Variants in TRIM41 observed in about 807,000 individuals in gnomAD.
The protein encoded by TRIM41 is tripartite motif containing 41, also known as E3 ubiquitin-protein ligase TRIM41.
A neutral mutation model predicts 60.6 loss-of-function variants in TRIM41; 21 were observed. That is an observed-to-expected ratio of 0.35 (90% CI 0.25 to 0.50). TRIM41 has a LOEUF of 0.50. Among genes scored for constraint, TRIM41 ranks in the 20% least tolerant of loss-of-function variants. TRIM41 has a pLI of 0.98. For synonymous variants in TRIM41, 407 were observed against 344.9 expected (o/e 1.18, Z -2.00); for missense variants, 846 against 868.3 (o/e 0.97, Z 0.32).
intron 2 of TRIM41, 75 bp from the exon 3 acceptor site, chr5:181,232,584 G>A: frequency 1.4e-6 from 2 of 1,401,078 alleles, no homozygotes; most frequent in South Asian, 1.2e-5. Flanking sequence ...GCATTGAGAA[G>A]TAGTAGTTGC....
chr5:181,231,108 T>C (rs551136862), intron 2 of TRIM41: 2 of 350,368 alleles, frequency 5.7e-6, no homozygotes, highest in Admixed American at 7.6e-5. Context: ...ACAGGCTTTC[T>C]ACCCGACACC....
Position 181,234,828 on chromosome 5 carries a change from G to A in TRIM41, c.*53G>A. On this transcript the variant is annotated 3_prime_UTR_variant, in exon 6 of 6. Coordinates refer to ENST00000315073, the MANE Select transcript of TRIM41 (RefSeq NM_033549.5). The surrounding 1 kb of genome is among the most constrained non-coding windows in gnomAD (Gnocchi z 5.6). ...TGTCAGCACTTGGGGGGTGGGTGGT[G>A]GAGGGTGGCCCGTAAGTTTGAGGGC... The A allele has an allele frequency of 1.6e-5, 25 of 1,606,344 alleles. No homozygotes were observed. Among genetic ancestry groups the A allele is most frequent in the East Asian group, 2.2e-5 (1 of 44,808 alleles).
chr5:181,224,016 T>C lies in TRIM41; in HGVS notation c.17T>C (p.Met6Thr). Residue 6 changes from methionine (M) to threonine (T), a missense_variant, in exon 1 of 6, where the codon ATG becomes ACG. Physicochemically the swap from Met to Thr is moderately conservative, Grantham distance 81 (BLOSUM62 -1). Coordinates refer to ENST00000315073, the MANE Select transcript of TRIM41 (RefSeq NM_033549.5). Reference protein sequence around the residue: MAAVAMTPNPVQTLQE... With the variant: MAAVATTPNPVQTLQE... Reference sequence around the variant, plus strand: ...GACACTAAGATGGCTGCCGTTGCCATGACACCCAACCCTGTGCAGACCCTT... The same window carrying C: ...GACACTAAGATGGCTGCCGTTGCCACGACACCCAACCCTGTGCAGACCCTT... The C allele has an allele frequency of 6.2e-7, 1 of 1,611,880 alleles. No individual in the cohort carries two copies. Among genetic ancestry groups the C allele is most frequent in the East Asian group, 2.2e-5 (1 of 44,824 alleles).
In TRIM41 at chr5:181,233,272, T is replaced by C. The variant is rs1354542665; in HGVS notation, c.1141-141T>C. ...GGTGGTTGAAATGGATGTGTGTTCATTGAGGGCCGTGAGGGTGCTGCTTCT... is the reference window on the plus strand; with the variant it reads ...GGTGGTTGAAATGGATGTGTGTTCACTGAGGGCCGTGAGGGTGCTGCTTCT... On this transcript the variant is annotated intron_variant, in intron 3 of 5. Coordinates refer to ENST00000315073, the MANE Select transcript of TRIM41 (RefSeq NM_033549.5). The surrounding 1 kb of genome is among the most constrained non-coding windows in gnomAD (Gnocchi z 4.1). 8.9e-6 allele frequency: 8 copies of C among 894,338 alleles called. No homozygotes were observed. Among genetic ancestry groups the C allele is most frequent in the African/African-American group, 3.3e-5 (2 of 61,016 alleles). 55.4% of individuals were successfully genotyped at this position (894,338 alleles called of 1,614,324 possible).
chr5:181,234,249 C>T lies in TRIM41; in HGVS notation c.1367C>T (p.Ala456Val). 3 of 1,613,246 alleles carry T rather than the reference C, an allele frequency of 1.9e-6. No individual in the cohort carries two copies. Among genetic ancestry groups the T allele is most frequent in the South Asian group, 1.1e-5 (1 of 91,060 alleles). Residue 456 changes from alanine (A) to valine (V), a missense_variant, in exon 6 of 6, where the codon GCA becomes GTA. Ala to Val is a moderately conservative substitution (Grantham distance 64, BLOSUM62 0). Transcript: ENST00000315073. The surrounding 1 kb of genome is among the most constrained non-coding windows in gnomAD (Gnocchi z 5.6). ...CCTGACCGCCGGGGGGTCCGCCTGGCAGAGCGGCGGCAGGAGGTTGCTGAC... is the reference window on the plus strand; with the variant it reads ...CCTGACCGCCGGGGGGTCCGCCTGGTAGAGCGGCGGCAGGAGGTTGCTGAC... ...LSPDRRGVRLAERRQEVADHP... is the reference protein window; with the variant it reads ...LSPDRRGVRLVERRQEVADHP...
chr5:181,232,530 C>T (rs80188051), intron 2 of TRIM41, 129 bp from the exon 3 acceptor site: 15,893 of 846,400 alleles, frequency 0.019, 223 homozygotes, highest in Middle Eastern at 0.042. Flanking sequence ...GAGCCTCTTT[C>T]CGGGACTATC....
At chr5:181,229,355 C>G (rs1043499767) in intron 1 of TRIM41, 4 of 152,280 alleles carry the variant, frequency 2.6e-5, no homozygotes, top group African/African-American at 9.6e-5. Context: ...CACTTCACTT[C>G]CCTCTGGTCC....
rs761850560 is a variant in TRIM41 at position 181,233,718 on chromosome 5, G to A, written c.1246G>A (p.Ala416Thr). Residue 416 changes from alanine (A) to threonine (T), a missense_variant, in exon 5 of 6, where the codon GCC becomes ACC. Physicochemically the swap from Ala to Thr is moderately conservative, Grantham distance 58 (BLOSUM62 0). Transcript: ENST00000315073. This position sits in a 1 kb window ranked among gnomAD's most constrained non-coding sequence, Gnocchi z 4.1. ...QPHSHDFLTD[A>T]IVRKMSRMFC... Reference sequence around the variant, plus strand: ...CCATAGCCATGACTTCCTGACAGATGCCATCGTGAGGAAAATGAGCCGGAT... The same window carrying A: ...CCATAGCCATGACTTCCTGACAGATACCATCGTGAGGAAAATGAGCCGGAT... 10 of 1,614,198 alleles carry A rather than the reference G, an allele frequency of 6.2e-6. No individual in the cohort carries two copies. The highest frequency in any genetic ancestry group is 6.8e-6 in the Non-Finnish European group (8 of 1,180,046).
chr5:181,224,404 C>T lies in TRIM41; in HGVS notation c.405C>T (p.Tyr135=), dbSNP rs755035871. ...EEEDEEEDLD[Y]YLGDMEEEDL... ...AGGACGAGGAGGAAGACCTGGACTACTACTTGGGGGACATGGAGGAGGAGG... is the reference window on the plus strand; with the variant it reads ...AGGACGAGGAGGAAGACCTGGACTATTACTTGGGGGACATGGAGGAGGAGG... The change falls in exon 1 of 6, where the codon TAC becomes TAT. Residue 135 remains tyrosine (Y), a synonymous_variant. Coordinates refer to ENST00000315073, the MANE Select transcript of TRIM41 (RefSeq NM_033549.5). 1.2e-5 allele frequency: 19 copies of T among 1,611,986 alleles called. No homozygotes were observed. The highest frequency in any genetic ancestry group is 1.5e-5 in the Non-Finnish European group (18 of 1,178,688).
chr5:181,230,496 CAAAAAAAAA>C (rs60815823), intron 1 of TRIM41: 51 of 43,722 alleles, frequency 1.2e-3, no homozygotes, highest in Middle Eastern at 0.013. Context: ...GACTCTGTCT[CAAAAAAAAA>C]AAAAAAAAAA....
In TRIM41 at chr5:181,224,598, A is replaced by C. The variant is rs768225281; in HGVS notation, c.599A>C (p.Gln200Pro). ...FPRRSFRPNL[Q>P]LANMVQVIRQ... ...CGGCGGAGCTTCCGCCCCAACCTGC[A>C]GCTGGCCAATATGGTCCAGGTGATT... The change falls in exon 1 of 6, where the codon CAG becomes CCG. Residue 200 changes from glutamine to proline, a missense_variant. By Grantham distance (76) the Gln-to-Pro change is moderately conservative. Transcript: ENST00000315073. 1 of 1,614,210 alleles carries C rather than the reference A, an allele frequency of 6.2e-7. No individual in the cohort carries two copies. The highest frequency in any genetic ancestry group is 2.2e-5 in the East Asian group (1 of 44,888).
rs1758902905 is a variant in TRIM41, at chr5:181,233,576, T to G, written c.1164-60T>G. 6.2e-7 allele frequency: 1 copy of G among 1,610,316 alleles called. No individual in the cohort carries two copies. Among genetic ancestry groups the G allele is most frequent in the Admixed American group, 1.7e-5 (1 of 59,858 alleles). ...GGACCCTCCTCTCCTTCCCCTCAGC[T>G]TTTGCTTTTCCCTCTGGGAATATCG... On this transcript the variant is annotated intron_variant, in intron 4 of 5. Coordinates refer to ENST00000315073, the MANE Select transcript of TRIM41 (RefSeq NM_033549.5). This position sits in a 1 kb window ranked among gnomAD's most constrained non-coding sequence, Gnocchi z 4.1.
At chr5:181,227,741 A>G (rs1758611029) in intron 1 of TRIM41, 1 of 152,172 alleles carries the variant, frequency 6.6e-6, no homozygotes, top group African/African-American at 2.4e-5. Flanking sequence ...TTGAATAGGT[A>G]ATAACACACA....
Position 181,223,802 on chromosome 5 carries a change from A to C in TRIM41, c.-198A>C. 1.6e-6 allele frequency: 1 copy of C among 628,524 alleles called. No homozygotes were observed. The highest frequency in any genetic ancestry group is 2.8e-6 in the Non-Finnish European group (1 of 361,984). 38.9% of individuals were successfully genotyped at this position (628,524 alleles called of 1,614,324 possible). A position where few individuals can be genotyped will look rare whatever the true frequency, so the allele number is the denominator to read the frequency against. On this transcript the variant is annotated 5_prime_UTR_variant, in exon 1 of 6. Coordinates refer to ENST00000315073, the MANE Select transcript of TRIM41 (RefSeq NM_033549.5). ...GCCCAGCACTGTCCCCTCCCCTCGT[A>C]GAGACACGGTTGTCGTTTGGGAGTA... is the stretch of plus-strand genomic sequence containing the variant.
intron 3 of TRIM41, 43 bp downstream of exon 3, chr5:181,232,932 G>C (rs771710299): frequency 6.5e-7 from 1 of 1,527,744 alleles, no homozygotes; most frequent in South Asian, 1.2e-5. Context: ...TTCTGTGTTG[G>C]CTGTCAGGCA....
intron 1 of TRIM41, chr5:181,230,353 C>G (rs1357855971): frequency 6.2e-6 from 1 of 160,222 alleles, no homozygotes; most frequent in African/African-American, 2.4e-5. Flanking sequence ...AAAAATTAGC[C>G]AGGCGTGGTG....
intron 1 of TRIM41, chr5:181,225,740 C>T (rs1282584596): frequency 6.6e-6 from 1 of 152,200 alleles, no homozygotes; most frequent in Non-Finnish European, 1.5e-5. Context: ...GAGTCTGATT[C>T]TAGTTTGACA....
rs759933393 is a variant in TRIM41 at position 181,233,381 on chromosome 5, C to CCT, written c.1141-28_1141-27dup. 1.9e-6 allele frequency: 3 copies of CCT among 1,606,086 alleles called. No individual in the cohort carries two copies. In the African/African-American group the frequency reaches 4.0e-5, roughly 22 times the overall value. ...CTGACACTCTCTTTATCTCTTTCTC[C>CCT]CTCTCCCTCTTTTTGTTTCTCTTAT... On this transcript the variant is annotated intron_variant, in intron 3 of 5. Coordinates refer to ENST00000315073, the MANE Select transcript of TRIM41 (RefSeq NM_033549.5). This position sits in a 1 kb window ranked among gnomAD's most constrained non-coding sequence, Gnocchi z 4.1.
chr5:181,233,955 G>C lies in TRIM41; in HGVS notation c.1291+192G>C. 3.4e-6 allele frequency: 4 copies of C among 1,170,338 alleles called. No individual in the cohort carries two copies. Among genetic ancestry groups the C allele is most frequent in the East Asian group, 2.5e-5 (1 of 39,594 alleles). The allele number at this position is 1,170,338 out of a possible 1,614,324, so 72.5% of individuals were successfully genotyped here. A position where few individuals can be genotyped will look rare whatever the true frequency, so the allele number is the denominator to read the frequency against. On this transcript the variant is annotated intron_variant, in intron 5 of 5. Coordinates refer to ENST00000315073, the MANE Select transcript of TRIM41 (RefSeq NM_033549.5). The surrounding 1 kb of genome is among the most constrained non-coding windows in gnomAD (Gnocchi z 4.1). ...GCAGGCAGGCCTGGAGGGTGGGGTG[G>C]GGTGGAGTGGCAGGAAGAGCCAGGC... is the stretch of plus-strand genomic sequence containing the variant.
Sources: gnomAD v4.1 joint callset for allele counts on GRCh38, gnomAD v4.1.1 for gene constraint, Gnocchi (gnomAD v3.1) non-coding constraint, MANE v1.5 for transcripts, NCBI Gene and HGNC (gene_info 2026-07-23, HGNC 2026-07-21) for gene names.